The following ZNF609 variants were observed in gnomAD, a reference collection of about 807,000 sequenced individuals.
ZNF609 encodes the protein zinc finger protein 609.
Under a neutral mutation model 109.5 loss-of-function variants are expected in ZNF609, and 11 were observed. The observed-to-expected ratio is 0.10, with a 90% CI of 0.06 to 0.17. The LOEUF (loss-of-function observed/expected upper bound fraction) is 0.17. ZNF609 is among the 10% of genes least tolerant of loss of function. The pLI is 1.00. For synonymous variants in ZNF609, 646 were observed against 662.0 expected (o/e 0.98, Z 0.37); for missense variants, 1,559 against 1,772.4 (o/e 0.88, Z 2.16).
intron 2 of ZNF609, among the ~76,000 whole-genome samples, chr15:64,578,323 GTTATC>G (rs1895037032): frequency 6.6e-6 from 1 of 151,752 alleles, no homozygotes; most frequent in African/African-American, 2.4e-5. Context: ...GTCTATTTTA[GTTATC>G]TTATAGATTT....
chr15:64,580,819 C>T (rs1895088226), intron 2 of ZNF609, among the ~76,000 whole-genome samples: 1 of 151,964 alleles, frequency 6.6e-6, no homozygotes, highest in Non-Finnish European at 1.5e-5. Flanking sequence ...AGGCATGAGC[C>T]ACCACGCCCA....
chr15:64,674,964 A>G lies in ZNF609; in HGVS notation c.2110A>G (p.Ile704Val). 1.2e-6 allele frequency: 2 copies of G among 1,614,124 alleles called. No homozygotes were observed. The highest frequency in any genetic ancestry group is 2.2e-5 in the South Asian group (2 of 91,086). Residue 704 changes from isoleucine to valine, a missense_variant, in exon 5 of 10, where the codon ATT (isoleucine) becomes GTT (valine). Around this residue, in one of 4 missense-constraint regions of ZNF609, gnomAD observed 1,204 missense variants for 1,314.1 expected, o/e 0.92. Coordinates refer to ENST00000326648, the MANE Select transcript of ZNF609 (RefSeq NM_015042.2). ...GCCCAACAGTCCCCAACTCAAGCCC[A>G]TTCAGCCCAAGCCCACTGTTATGGG... The part of the protein sequence containing the change: ...AMPNSPQLKP[I>V]QPKPTVMGEP...
At chr15:64,671,551 C>G (rs1161833806) in intron 4 of ZNF609, among the ~76,000 whole-genome samples, 1 of 152,134 alleles carries the variant, frequency 6.6e-6, no homozygotes, top group Non-Finnish European at 1.5e-5. Context: ...CTAGAACATA[C>G]GGGTTTCACA....
Position 64,681,405 on chromosome 15 carries a change from AT to A in ZNF609, c.*5+21del, listed in dbSNP as rs760849243. 154 of 1,605,344 alleles carry A rather than the reference AT, an allele frequency of 9.6e-5. 1 individual carries two copies. The highest frequency in any genetic ancestry group is 1.3e-4 in the Non-Finnish European group (151 of 1,172,392). On this transcript the variant is annotated intron_variant, in intron 9 of 9. Coordinates refer to ENST00000326648, the MANE Select transcript of ZNF609 (RefSeq NM_015042.2). ...TGAGAATGGTAAGTCACTTTTATTAATTTGGGGCAACACATAAAGCCGGGAT... is the reference window on the plus strand; with the variant it reads ...TGAGAATGGTAAGTCACTTTTATTAATTGGGGCAACACATAAAGCCGGGAT...
chr15:64,589,321 T>C (rs952934223), intron 2 of ZNF609, among the ~76,000 whole-genome samples: 1 of 152,166 alleles, frequency 6.6e-6, no homozygotes, highest in Non-Finnish European at 1.5e-5. Flanking sequence ...TAAAGGTCAG[T>C]GGATGAAGCC....
At chr15:64,632,317 A>G (rs7181953) in intron 3 of ZNF609, among the ~76,000 whole-genome samples, 19,032 of 151,340 alleles carry the variant, frequency 0.13, 1,882 homozygotes, top group African/African-American at 0.28. Flanking sequence ...ACCTCCCAAA[A>G]TGCTGGTATT....
intron 2 of ZNF609, among the ~76,000 whole-genome samples, chr15:64,564,169 C>A (rs1227110206): frequency 6.6e-6 from 1 of 151,516 alleles, no homozygotes; most frequent in East Asian, 1.9e-4. Flanking sequence ...TATGCGCTGG[C>A]TGCTACAAAG....
chr15:64,587,263 G>A (rs755893866), intron 2 of ZNF609, among the ~76,000 whole-genome samples: 10 of 152,138 alleles, frequency 6.6e-5, no homozygotes, highest in Admixed American at 1.3e-4. Context: ...TCTCAGTGTC[G>A]AAAGAGGTCG....
chr15:64,660,734 C>T (rs1896563626), intron 3 of ZNF609, among the ~76,000 whole-genome samples: 1 of 152,180 alleles, frequency 6.6e-6, no homozygotes. Flanking sequence ...ATGTGCATTT[C>T]CACCACAGGG....
intron 2 of ZNF609, chr15:64,528,747 G>A: frequency 1.0e-6 from 1 of 955,096 alleles, no homozygotes. Context: ...CAGGAAATTA[G>A]CTTGACAGAG....
chr15:64,501,364 G>A (rs1031026149), intron 2 of ZNF609: 19 of 152,228 alleles, frequency 1.2e-4, no homozygotes, highest in African/African-American at 4.3e-4. Context: ...TGGCACATCT[G>A]TAGCTCTTAG....
intron 2 of ZNF609, among the ~76,000 whole-genome samples, chr15:64,546,788 T>TC (rs1173222630): frequency 1.0e-4 from 15 of 144,908 alleles, no homozygotes; most frequent in Non-Finnish European, 1.2e-4. Context: ...TTTTCATGTT[T>TC]CTTTTTTTTT....
At chr15:64,552,303 AT>A (rs1223452778) in intron 2 of ZNF609, among the ~76,000 whole-genome samples, 1 of 152,176 alleles carries the variant, frequency 6.6e-6, no homozygotes, top group Non-Finnish European at 1.5e-5. Context: ...ATATATTTAG[AT>A]CTATCATCCA....
intron 3 of ZNF609, among the ~76,000 whole-genome samples, chr15:64,632,114 AC>A (rs1353650172): frequency 2.0e-5 from 3 of 152,128 alleles, no homozygotes; most frequent in Non-Finnish European, 4.4e-5. Flanking sequence ...ATACAGTGGC[AC>A]GATCATGGCT....
chr15:64,533,119 T>C (rs1891170433), intron 2 of ZNF609, among the ~76,000 whole-genome samples: 1 of 151,994 alleles, frequency 6.6e-6, no homozygotes, highest in South Asian at 2.1e-4. Flanking sequence ...GGCGCAATCT[T>C]GGCTGACTGC....
At chr15:64,679,913 C>G (rs1327653488) in intron 6 of ZNF609, among the ~76,000 whole-genome samples, 1 of 152,150 alleles carries the variant, frequency 6.6e-6, no homozygotes, top group Non-Finnish European at 1.5e-5. Context: ...ATCACTTCTC[C>G]AAGATGAATC....
At position 64,683,217 on chromosome 15, in the gene ZNF609, T is replaced by G. The variant is rs531304417; in HGVS notation, c.*1531T>G. ...GACCCTCTGGATTGAGAGAGAGAGA[T>G]AAAGACTGACAGACACCAGTGTAGG... On this transcript the variant is annotated 3_prime_UTR_variant, in exon 10 of 10. Transcript: ENST00000326648. The G allele has an allele frequency of 6.4e-4, 98 of 152,588 alleles. No individual in the cohort carries two copies. The highest frequency in any genetic ancestry group is 2.1e-3 in the African/African-American group (89 of 41,492). 9.5% of individuals were successfully genotyped at this position (152,588 alleles called of 1,614,324 possible).
chr15:64,567,207 T>C (rs1291396348), intron 2 of ZNF609, among the ~76,000 whole-genome samples: 1 of 152,100 alleles, frequency 6.6e-6, no homozygotes, highest in African/African-American at 2.4e-5. Flanking sequence ...GCATTCCAGC[T>C]GGGCGCCATG....
At chr15:64,549,352 G>A (rs114775608) in intron 2 of ZNF609, among the ~76,000 whole-genome samples, 2,276 of 152,058 alleles carry the variant, frequency 0.015, 67 homozygotes, top group African/African-American at 0.052. Flanking sequence ...CACCTCGCCC[G>A]GCTAATCTTT....
Sources: allele counts gnomAD v4.1 joint callset (sites outside exome capture counted in the v4.1 genomes callset), GRCh38; gene constraint gnomAD v4.1.1; regional missense constraint gnomAD v4.1.1; transcripts MANE v1.5; gene names NCBI Gene and HGNC (gene_info 2026-07-23, HGNC 2026-07-21).